The following PDIA5 variants were observed in gnomAD, a reference collection of about 807,000 sequenced individuals.
PDIA5 encodes the protein protein disulfide-isomerase A5.
PDIA5 carries 58 observed loss-of-function variants against 77.6 expected under a neutral mutation model. The observed-to-expected ratio is 0.75, with a 90% confidence interval of 0.61 to 0.93. The LOEUF is 0.93. Ranked by LOEUF, PDIA5 falls within the 40% of genes least tolerant of loss-of-function variation. The pLI, the probability that PDIA5 is intolerant of heterozygous loss-of-function variation, is 0.00. For synonymous variants in PDIA5, 250 were observed against 252.1 expected (o/e 0.99, Z 0.08); for missense variants, 630 against 647.7 (o/e 0.97, Z 0.30).
At chr3:123,154,914 T>G (rs1170915440) in intron 14 of PDIA5, 57 bp from the exon 15 acceptor site, 1 of 1,188,522 alleles carries the variant, frequency 8.4e-7, no homozygotes, top group Non-Finnish European at 1.3e-6. Flanking sequence ...TCCCTGGCCC[T>G]GCAGCCTCCC....
At chr3:123,146,963 C>G (rs1012664189) in intron 13 of PDIA5, among the ~76,000 whole-genome samples, 2 of 152,148 alleles carry the variant, frequency 1.3e-5, no homozygotes, top group African/African-American at 4.8e-5. Flanking sequence ...GCACATGCCA[C>G]CATGCCTGGC....
chr3:123,099,248 G>T (rs1416030992), intron 3 of PDIA5, among the ~76,000 whole-genome samples: 2 of 152,244 alleles, frequency 1.3e-5, no homozygotes, highest in Admixed American at 6.5e-5. Context: ...CCCAGCAGCG[G>T]TAAGACAGTA....
At chr3:123,128,848 T>G (rs956239727) in intron 10 of PDIA5, among the ~76,000 whole-genome samples, 6 of 152,204 alleles carry the variant, frequency 3.9e-5, no homozygotes, top group African/African-American at 2.4e-5. Context: ...TTTTATGTTC[T>G]TAGAGTGTTT....
intron 1 of PDIA5, among the ~76,000 whole-genome samples, chr3:123,071,629 G>T (rs1352005406): frequency 6.6e-6 from 1 of 152,216 alleles, no homozygotes; most frequent in Non-Finnish European, 1.5e-5. Context: ...TAAGGTGGAA[G>T]TGTGGCTGAG....
chr3:123,113,416 A>G (rs1349384042), intron 7 of PDIA5, among the ~76,000 whole-genome samples: 1 of 152,162 alleles, frequency 6.6e-6, no homozygotes, highest in Non-Finnish European at 1.5e-5. Flanking sequence ...CACAGTTATC[A>G]TCTTTACAGA....
chr3:123,123,787 C>T (rs1023549006), intron 8 of PDIA5, among the ~76,000 whole-genome samples: 8 of 152,228 alleles, frequency 5.3e-5, no homozygotes, highest in African/African-American at 1.9e-4. Context: ...ACCCTCAGAA[C>T]GTTGGTTTTG....
At chr3:123,141,052 T>C (rs1184072250) in intron 11 of PDIA5, among the ~76,000 whole-genome samples, 2 of 152,220 alleles carry the variant, frequency 1.3e-5, no homozygotes, top group Non-Finnish European at 2.9e-5. Context: ...GCCTGGAGCC[T>C]GATAAAGGGA....
At chr3:123,087,815 G>C (rs2107918001) in intron 1 of PDIA5, among the ~76,000 whole-genome samples, 2 of 152,220 alleles carry the variant, frequency 1.3e-5, no homozygotes, top group East Asian at 3.9e-4. Context: ...TTGTTTACTG[G>C]GAGAGCCTCA....
In PDIA5 at chr3:123,102,419, A is replaced by G. The variant is rs1040479351; in HGVS notation, c.266A>G (p.Glu89Gly). 1 of 1,613,312 alleles carries G rather than the reference A, an allele frequency of 6.2e-7. No individual in the cohort carries two copies. The highest frequency in any genetic ancestry group is 8.5e-7 in the Non-Finnish European group (1 of 1,179,322). The change falls in exon 4 of 17, where the codon GAG (glutamate) becomes GGG (glycine). Residue 89 changes from glutamate to glycine, a missense_variant. Glu to Gly is a moderately conservative substitution (Grantham distance 98, BLOSUM62 -2). Coordinates refer to ENST00000316218, the MANE Select transcript of PDIA5 (RefSeq NM_006810.4). ...ACATTTGTGTCTTCCAGTGATGCAG[A>G]GAGTAGAAAATTGTGCAAGAAGATG... is the stretch of plus-strand genomic sequence containing the variant. ...TICWVDCGDA[E>G]SRKLCKKMKV...
At chr3:123,112,325 T>C (rs1204928056) in intron 7 of PDIA5, among the ~76,000 whole-genome samples, 2 of 152,000 alleles carry the variant, frequency 1.3e-5, no homozygotes, top group East Asian at 3.9e-4. Context: ...TAGGCTCTGG[T>C]TTGTCATAGC....
At chr3:123,096,323 C>G (rs1027711875) in intron 3 of PDIA5, among the ~76,000 whole-genome samples, 18 of 151,390 alleles carry the variant, frequency 1.2e-4, no homozygotes. Flanking sequence ...CTCAGCCTCC[C>G]CAGTAGGCGC....
At chr3:123,142,045 G>A (rs1273678749) in intron 11 of PDIA5, among the ~76,000 whole-genome samples, 1 of 152,216 alleles carries the variant, frequency 6.6e-6, no homozygotes, top group Admixed American at 6.5e-5. Context: ...GCATCAGTGT[G>A]GGGAAGGGGA....
In PDIA5 at chr3:123,116,299, G is replaced by A. The variant is rs141553803; in HGVS notation, c.609+1G>A. 20 of 1,606,428 alleles carry A rather than the reference G, an allele frequency of 1.2e-5. No homozygotes were observed. The highest frequency in any genetic ancestry group is 2.7e-5 in the African/African-American group (2 of 74,834). On this transcript the variant is annotated splice_donor_variant, in intron 8 of 16. Transcript: ENST00000316218. LOFTEE classifies it high-confidence loss of function. ...TGCGACTCAGCTGCGAGGCCACGCC[G>A]TAAGTGAGGCGCCATTGCCTGGCAG...
At chr3:123,112,577 C>T (rs1934891562) in intron 7 of PDIA5, among the ~76,000 whole-genome samples, 1 of 122,362 alleles carries the variant, frequency 8.2e-6, no homozygotes, top group Admixed American at 1.1e-4. Context: ...GAGACAGAGC[C>T]TTGCTCTGTT....
chr3:123,161,879 G>A lies in PDIA5; in HGVS notation c.1480-1G>A. 6.4e-7 allele frequency: 1 copy of A among 1,572,164 alleles called. No homozygotes were observed. Among genetic ancestry groups the A allele is most frequent in the Non-Finnish European group, 8.8e-7 (1 of 1,142,134 alleles). On this transcript the variant is annotated splice_acceptor_variant, in intron 16 of 16. Coordinates refer to ENST00000316218, the MANE Select transcript of PDIA5 (RefSeq NM_006810.4). LOFTEE classifies it high-confidence loss of function. ...TCTCTCTCTCTCCCACTTCCCTGCA[G>A]GAATTGGGATTTACCAATTATATTC...
At chr3:123,077,812 CTTT>C (rs35172329) in intron 1 of PDIA5, among the ~76,000 whole-genome samples, 6 of 141,826 alleles carry the variant, frequency 4.2e-5, no homozygotes, top group Non-Finnish European at 3.1e-5. Context: ...AATTAATGTT[CTTT>C]TTTTTTTTTT....
At chr3:123,093,707 G>A (rs2107924184) in intron 3 of PDIA5, among the ~76,000 whole-genome samples, 1 of 152,322 alleles carries the variant, frequency 6.6e-6, no homozygotes, top group Middle Eastern at 3.4e-3. Context: ...CAGACACTTA[G>A]CCCAGCGATT....
At chr3:123,127,239 G>A (rs915543890) in intron 10 of PDIA5, among the ~76,000 whole-genome samples, 2 of 152,136 alleles carry the variant, frequency 1.3e-5, no homozygotes, top group Non-Finnish European at 2.9e-5. Context: ...TCTCCAAACT[G>A]CAGAGCTCAT....
At chr3:123,122,793 T>C (rs907834639) in intron 8 of PDIA5, among the ~76,000 whole-genome samples, 3 of 152,352 alleles carry the variant, frequency 2.0e-5, no homozygotes, top group Admixed American at 2.0e-4. Flanking sequence ...AACGGTTATT[T>C]ATTTTCCTCT....
Sources: gnomAD v4.1 joint callset for allele counts (sites outside exome capture counted in the v4.1 genomes callset) on GRCh38, gnomAD v4.1.1 for gene constraint, MANE v1.5 for transcripts, NCBI Gene and HGNC (gene_info 2026-07-23, HGNC 2026-07-21) for gene names.